The following HAPLN1 variants were observed in gnomAD, a reference collection of about 807,000 sequenced individuals.
HAPLN1 encodes hyaluronan and proteoglycan link protein 1, also known as Cartilage link protein.
In HAPLN1, 13 loss-of-function variants were observed where a neutral mutation model predicts 36.5. That is an observed-to-expected ratio of 0.36 (90% CI 0.23 to 0.57). The LOEUF (loss-of-function observed/expected upper bound fraction) is 0.57, where lower values mean the gene tolerates loss of function less well. Among genes scored for constraint, HAPLN1 ranks in the 20% least tolerant of loss-of-function variants. The probability of loss-of-function intolerance (pLI) is 0.83; values close to 1 mark genes in which losing one functional copy is unlikely to be tolerated. For synonymous variants in HAPLN1, 202 were observed against 169.8 expected, an observed-to-expected ratio of 1.19 and a Z score of -1.48; for missense variants, 407 against 439.7, an observed-to-expected ratio of 0.93 and a Z score of 0.66.
chr5:83,644,160 G>A (rs559046741), intron 4 of HAPLN1, among the ~76,000 whole-genome samples: 49 of 152,238 alleles, frequency 3.2e-4, no homozygotes, highest in South Asian at 1.2e-3. Flanking sequence ...GGAGTACTGG[G>A]AATATGTACT....
rs150416602 is a variant in HAPLN1 at position 83,658,916 on chromosome 5, G to A, written c.101-6092C>T. 3.9e-5 allele frequency among the ~76,000 whole-genome samples: 6 copies of A among 152,232 alleles called. No individual in the cohort carries two copies. In the East Asian group the frequency reaches 1.2e-3, roughly 29 times the overall value. ...ATCTTGAGTCTCTAGAAAGGAAGAC[G>A]GTAAGAAAGGTAGTAGAAAAATGAT... is the stretch of plus-strand genomic sequence containing the variant. On this transcript the variant is annotated intron_variant, in intron 2 of 4. Coordinates refer to ENST00000274341, the MANE Select transcript of HAPLN1 (RefSeq NM_001884.4).
intron 3 of HAPLN1, among the ~76,000 whole-genome samples, chr5:83,651,121 T>A (rs1395431630): frequency 6.6e-6 from 1 of 152,212 alleles, no homozygotes; most frequent in East Asian, 1.9e-4. Context: ...GTGAATTACT[T>A]AAGTTTAGGA....
chr5:83,702,637 G>C (rs1419555276), intron 1 of HAPLN1, among the ~76,000 whole-genome samples: 1 of 152,144 alleles, frequency 6.6e-6, no homozygotes, highest in Non-Finnish European at 1.5e-5. Context: ...AAAGTGGAAA[G>C]AAAAGGAAAT....
At chr5:83,692,330 C>T (rs913660471) in intron 1 of HAPLN1, among the ~76,000 whole-genome samples, 3 of 151,496 alleles carry the variant, frequency 2.0e-5, no homozygotes, top group Non-Finnish European at 3.0e-5. Flanking sequence ...AAACCAAAAC[C>T]CTCAATAATG....
intron 4 of HAPLN1, 122 bp downstream of exon 4, chr5:83,644,241 C>A: frequency 2.5e-6 from 2 of 806,028 alleles, no homozygotes; most frequent in Non-Finnish European, 3.5e-6. Flanking sequence ...TAAACTACAG[C>A]AAAACTTCAA....
Position 83,638,908 on chromosome 5 carries a change from C to T in HAPLN1, c.*2588G>A, listed in dbSNP as rs750882609. 6 of 151,934 alleles carry T rather than the reference C, an allele frequency of 3.9e-5. No homozygotes were observed. Among genetic ancestry groups the T allele is most frequent in the Non-Finnish European group, 5.9e-5 (4 of 67,894 alleles). 9.4% of individuals were successfully genotyped at this position (151,934 alleles called of 1,614,324 possible). A position where few individuals can be genotyped will look rare whatever the true frequency, so the allele number is the denominator to read the frequency against. On this transcript the variant is annotated 3_prime_UTR_variant, in exon 5 of 5. Coordinates refer to ENST00000274341, the MANE Select transcript of HAPLN1 (RefSeq NM_001884.4). ...TGTCTCAGTGAAATGTGCAGATATA[C>T]TTTGTTCCTTATATGGTCACCAGTG... is the stretch of plus-strand genomic sequence containing the variant.
chr5:83,641,596 C>G lies in HAPLN1; in HGVS notation c.965G>C (p.Arg322Thr), dbSNP rs889122618. Residue 322 changes from arginine to threonine, a missense_variant, in exon 5 of 5, where the codon AGA (arginine) becomes ACA (threonine). By Grantham distance (71) the Arg-to-Thr change is moderately conservative. Transcript: ENST00000274341. ...GSVRYPISRP[R>T]RRCSPTEAAV... ...AGCCTCAGTAGGACTGCAGCGCCTT[C>G]TTGGCCTAGAGATGGGGTAGCGGAC... 2 of 1,614,078 alleles carry G rather than the reference C, an allele frequency of 1.2e-6. No individual in the cohort carries two copies. The highest frequency in any genetic ancestry group is 1.1e-5 in the South Asian group (1 of 91,088).
chr5:83,650,447 T>G (rs1750022265), intron 3 of HAPLN1, among the ~76,000 whole-genome samples: 1 of 152,124 alleles, frequency 6.6e-6, no homozygotes, highest in Admixed American at 6.6e-5. Flanking sequence ...GAGCAAAGAT[T>G]GGAATTCTTT....
chr5:83,704,330 T>C (rs1751580494), intron 1 of HAPLN1, among the ~76,000 whole-genome samples: 1 of 152,164 alleles, frequency 6.6e-6, no homozygotes, highest in Admixed American at 6.5e-5. Flanking sequence ...CAAGTGACAC[T>C]ATAAAGCAAC....
At chr5:83,689,222 C>G (rs569029898) in intron 1 of HAPLN1, among the ~76,000 whole-genome samples, 1 of 151,972 alleles carries the variant, frequency 6.6e-6, no homozygotes, top group Non-Finnish European at 1.5e-5. Flanking sequence ...GGGTGAGGAG[C>G]GTTAGGGATC....
chr5:83,658,428 A>C (rs1750282198), intron 2 of HAPLN1, among the ~76,000 whole-genome samples: 1 of 152,196 alleles, frequency 6.6e-6, no homozygotes, highest in Non-Finnish European at 1.5e-5. Flanking sequence ...ATGGCAGTAA[A>C]CATGGATATC....
At chr5:83,699,406 T>C (rs1266637344) in intron 1 of HAPLN1, among the ~76,000 whole-genome samples, 1 of 152,174 alleles carries the variant, frequency 6.6e-6, no homozygotes, top group African/African-American at 2.4e-5. Flanking sequence ...CGGCCTAGGA[T>C]GCTACTGTTT....
chr5:83,699,092 C>T (rs1751452212), intron 1 of HAPLN1, among the ~76,000 whole-genome samples: 1 of 151,864 alleles, frequency 6.6e-6, no homozygotes, highest in Non-Finnish European at 1.5e-5. Context: ...AAATTATTAA[C>T]CACTGGTGAA....
chr5:83,688,739 GAA>G (rs1483561220), intron 1 of HAPLN1, among the ~76,000 whole-genome samples: 1 of 139,262 alleles, frequency 7.2e-6, no homozygotes, highest in Non-Finnish European at 1.5e-5. Context: ...ACTGAAGAGA[GAA>G]GAGACAATAA....
At chr5:83,645,549 C>T (rs1749849676) in intron 3 of HAPLN1, among the ~76,000 whole-genome samples, 1 of 140,202 alleles carries the variant, frequency 7.1e-6, no homozygotes. Flanking sequence ...GACAGTTCTT[C>T]TTCCAATGTG....
At chr5:83,716,295 A>G (rs1207735722) in intron 1 of HAPLN1, among the ~76,000 whole-genome samples, 1 of 152,224 alleles carries the variant, frequency 6.6e-6, no homozygotes, top group African/African-American at 2.4e-5. Context: ...TTTGGATGTT[A>G]GATTGGGCAG....
At chr5:83,678,852 T>C (rs17284622) in intron 1 of HAPLN1, among the ~76,000 whole-genome samples, 3,722 of 152,316 alleles carry the variant, frequency 0.024, 84 homozygotes, top group Non-Finnish European at 0.032. Context: ...AAATAAAATG[T>C]CACCACAAAA....
intron 1 of HAPLN1, among the ~76,000 whole-genome samples, chr5:83,682,138 G>T (rs2112609724): frequency 6.6e-6 from 1 of 152,246 alleles, no homozygotes; most frequent in East Asian, 1.9e-4. Context: ...AATTTCAACA[G>T]CTGTCAGTTA....
chr5:83,706,746 G>C (rs1222565209), intron 1 of HAPLN1, among the ~76,000 whole-genome samples: 1 of 152,132 alleles, frequency 6.6e-6, no homozygotes, highest in Non-Finnish European at 1.5e-5. Flanking sequence ...TCAGGCAAGA[G>C]AAAGAAATAC....
Sources: gnomAD v4.1 joint callset for allele counts (sites outside exome capture counted in the v4.1 genomes callset) on GRCh38, gnomAD v4.1.1 for gene constraint, MANE v1.5 for transcripts, NCBI Gene and HGNC (gene_info 2026-07-23, HGNC 2026-07-21) for gene names.